CCM2: variants seen among roughly 807,000 people sequenced by gnomAD.
CCM2 encodes the protein cerebral cavernous malformations 2 protein.
Under a neutral mutation model 44.9 loss-of-function variants are expected in CCM2, and 25 were observed. The ratio of observed to expected loss-of-function variants is 0.56; its 90% confidence interval spans 0.41 to 0.78. The LOEUF is 0.78. CCM2 is among the 30% of genes least tolerant of loss of function. The pLI is 0.00. For synonymous variants in CCM2, 219 were observed against 241.1 expected (o/e 0.91, Z 0.85); for missense variants, 481 against 580.6 (o/e 0.83, Z 1.76).
At chr7:45,051,099 T>C (rs1797980364) in intron 2 of CCM2, among the ~76,000 whole-genome samples, 1 of 152,198 alleles carries the variant, frequency 6.6e-6, no homozygotes, top group African/African-American at 2.4e-5. Flanking sequence ...CACTCCACCC[T>C]GCACTTCCTC....
upstream of CCM2, chr7:45,000,165 G>A (rs1208426575): frequency 1.3e-5 from 1 of 74,364 alleles, no homozygotes; most frequent in East Asian, 5.2e-4. Flanking sequence ...GAGGGGGCTC[G>A]GGCCCGGAAG....
intron 2 of CCM2, among the ~76,000 whole-genome samples, chr7:45,063,647 A>G (rs1014643116): frequency 6.6e-6 from 1 of 152,188 alleles, no homozygotes; most frequent in Non-Finnish European, 1.5e-5. Context: ...TTTTGGTACT[A>G]GTAGTTTGGG....
intron 1 of CCM2, 36 bp downstream of exon 1, chr7:45,000,399 G>A: frequency 1.6e-6 from 2 of 1,254,124 alleles, no homozygotes; most frequent in Non-Finnish European, 1.0e-6. Flanking sequence ...TGCTGTGGTC[G>A]GCGGGCGGCT....
chr7:45,019,664 C>G (rs996907749), intron 1 of CCM2, among the ~76,000 whole-genome samples: 1 of 151,988 alleles, frequency 6.6e-6, no homozygotes, highest in Admixed American at 6.6e-5. Context: ...TTTACTGTGA[C>G]CTTAAACTTC....
At chr7:45,043,531 G>A (rs2128733385) in intron 2 of CCM2, among the ~76,000 whole-genome samples, 1 of 152,014 alleles carries the variant, frequency 6.6e-6, no homozygotes, top group South Asian at 2.1e-4. Flanking sequence ...GTAATCCATT[G>A]GCAGGAGAAT....
At chr7:45,036,084 A>G (rs1294970) in intron 1 of CCM2, among the ~76,000 whole-genome samples, 131,884 of 152,086 alleles carry the variant, frequency 0.87, 57,501 homozygotes, top group African/African-American at 0.96. Flanking sequence ...ATGCCGGAGC[A>G]GAGATCATGC....
intron 8 of CCM2, chr7:45,073,866 C>G (rs1799211688): frequency 7.3e-6 from 4 of 546,246 alleles, no homozygotes; most frequent in African/African-American, 5.7e-5. Context: ...GGCCACATGG[C>G]CAGACATTTT....
At chr7:45,063,834 T>C (rs147434788) in intron 2 of CCM2, 84 bp from the exon 3 acceptor site, 80 of 941,750 alleles carry the variant, frequency 8.5e-5, no homozygotes, top group Admixed American at 1.7e-4. Flanking sequence ...TATGAAGCAC[T>C]TGGTTTGTGC....
At chr7:45,028,614 GCCACTGCACT>G (rs1374765590) in intron 1 of CCM2, among the ~76,000 whole-genome samples, 1 of 151,914 alleles carries the variant, frequency 6.6e-6, no homozygotes, top group Admixed American at 6.6e-5. Flanking sequence ...CCGAGATTGC[GCCACTGCACT>G]CCAGCCTGGG....
chr7:45,015,001 C>T (rs4559141), intron 1 of CCM2, among the ~76,000 whole-genome samples: 34,228 of 152,008 alleles, frequency 0.23, 3,869 homozygotes, highest in African/African-American at 0.26. Flanking sequence ...TTTGACAAGC[C>T]CTTGTCTTTC....
intron 1 of CCM2, 42 bp from the exon 2 acceptor site, chr7:45,038,211 T>G: frequency 6.2e-7 from 1 of 1,611,222 alleles, no homozygotes; most frequent in Non-Finnish European, 8.5e-7. Context: ...CACAAAGCAT[T>G]TGTAAATAAT....
intron 1 of CCM2, among the ~76,000 whole-genome samples, chr7:45,006,751 G>A (rs1795863599): frequency 6.6e-6 from 1 of 152,178 alleles, no homozygotes; most frequent in African/African-American, 2.4e-5. Context: ...ACACAGAGAG[G>A]AATGATCATT....
intron 2 of CCM2, among the ~76,000 whole-genome samples, chr7:45,052,251 C>G (rs1004711015): frequency 6.6e-6 from 1 of 152,166 alleles, no homozygotes; most frequent in African/African-American, 2.4e-5. Context: ...ATTCAGCTGG[C>G]CAGCAGACAG....
chr7:45,026,656 G>A (rs1045949982), intron 1 of CCM2, among the ~76,000 whole-genome samples: 2 of 139,430 alleles, frequency 1.4e-5, no homozygotes, highest in African/African-American at 5.4e-5. Flanking sequence ...AGGCTGGAGT[G>A]CAATGGTGCT....
intron 2 of CCM2, among the ~76,000 whole-genome samples, chr7:45,056,496 A>G (rs539549241): frequency 7.2e-5 from 11 of 152,338 alleles, no homozygotes; most frequent in African/African-American, 2.6e-4. Context: ...CCCCGTCACT[A>G]TTAAAAGAAA....
At chr7:45,054,058 C>G (rs1798134396) in intron 2 of CCM2, among the ~76,000 whole-genome samples, 1 of 152,112 alleles carries the variant, frequency 6.6e-6, no homozygotes, top group Non-Finnish European at 1.5e-5. Context: ...TCTCATTCAG[C>G]TTAATATTCT....
chr7:45,075,935 G>A lies in CCM2; in HGVS notation c.1213G>A (p.Ala405Thr). The change falls in exon 10 of 10, where the codon GCC becomes ACC. Residue 405 changes from alanine (A) to threonine (T), a missense_variant. Transcript: ENST00000258781. The stretch of plus-strand genomic sequence containing the variant: ...CAGTTCCACCACCAATGGGAACAGG[G>A]CCACGGGCAGCTCTGATGACCGGTC... ...TSSSTTNGNR[A>T]TGSSDDRSAP... The A allele has an allele frequency of 6.2e-7, 1 of 1,613,222 alleles. No homozygotes were observed.
In CCM2 at chr7:45,064,525, G is replaced by A. The variant is rs35888291; in HGVS notation, c.351G>A (p.Ala117=). ...ACGATGCTGTGCTCAGCCTGTCTGC[G>A]TACAACGTCAAGCTGGCCTGGAGGG... ...QEHDAVLSLS[A]YNVKLAWRDG... is the part of the protein sequence containing the mutation. Residue 117 remains alanine, a synonymous_variant, in exon 4 of 10, where the codon GCG becomes GCA. Transcript: ENST00000258781. 11,677 of 1,613,824 alleles carry A rather than the reference G, an allele frequency of 7.2e-3. 737 individuals carry two copies. The African/African-American group carries it at 0.13, about 19-fold the overall frequency.
Position 45,016,218 on chromosome 7 carries a change from A to G in CCM2, c.30+15855A>G, listed in dbSNP as rs571748356. On this transcript the variant is annotated intron_variant, in intron 1 of 9. Transcript: ENST00000258781. ...GGGTTGGAACAGGAATTTGTGCTGA[A>G]TGGGTTTGTGCTGACCAAGTATATA... Among the ~76,000 whole-genome samples, 31 of 152,350 alleles carry G rather than the reference A, an allele frequency of 2.0e-4. No homozygotes were observed. In the South Asian group the frequency reaches 6.4e-3, roughly 32 times the overall value.
Sources: allele counts gnomAD v4.1 joint callset (sites outside exome capture counted in the v4.1 genomes callset), GRCh38; gene constraint gnomAD v4.1.1; transcripts MANE v1.5; gene names NCBI Gene and HGNC (gene_info 2026-07-23, HGNC 2026-07-21).